The following UGT1A9 variants were observed in gnomAD, a reference collection of about 807,000 sequenced individuals.
UGT1A9 encodes UDP glucuronosyltransferase family 1 member A9.
UGT1A9 carries 35 observed loss-of-function variants against 45.0 expected under a neutral mutation model. The ratio of observed to expected loss-of-function variants is 0.78; its 90% CI spans 0.59 to 1.03. The LOEUF is 1.03. Among genes scored for constraint, UGT1A9 ranks in the 50% least tolerant of loss-of-function variants. UGT1A9 has a pLI of 0.00. For missense variants in UGT1A9, 687 were observed against 666.6 expected (o/e 1.03, Z -0.34); for synonymous variants, 278 against 250.6 (o/e 1.11, Z -1.03).
Position 233,671,967 on chromosome 2 carries a change from T to A in UGT1A9, c.33T>A (p.Pro11=), listed in dbSNP as rs779535598. The change falls in exon 1 of 5, where the codon CCT becomes CCA. Residue 11 remains proline, a synonymous_variant. Coordinates refer to ENST00000354728, the MANE Select transcript of UGT1A9 (RefSeq NM_021027.3). MACTGWTSPL[P]LCVCLLLTCG... Reference sequence around the variant, plus strand: ...GCACAGGGTGGACCAGCCCCCTTCCTCTATGTGTGTGTCTGCTGCTGACCT... The same window carrying A: ...GCACAGGGTGGACCAGCCCCCTTCCACTATGTGTGTGTCTGCTGCTGACCT... 6.2e-7 allele frequency: 1 copy of A among 1,613,876 alleles called. No individual in the cohort carries two copies. Among genetic ancestry groups the A allele is most frequent in the Non-Finnish European group, 8.5e-7 (1 of 1,179,852 alleles).
At chr2:233,690,635 G>A in intron 1 of UGT1A9, 1 of 1,288,442 alleles carries the variant, frequency 7.8e-7, no homozygotes, top group Non-Finnish European at 1.0e-6. Context: ...TGATACCTGA[G>A]GACACCTTGA....
At chr2:233,746,981 C>T (rs1456419119) in intron 1 of UGT1A9, among the ~76,000 whole-genome samples, 1 of 151,772 alleles carries the variant, frequency 6.6e-6, no homozygotes, top group Non-Finnish European at 1.5e-5. Flanking sequence ...AGAGCGAGCG[C>T]AGGGTCAGAT....
chr2:233,760,197 G>A (rs2125980210), intron 1 of UGT1A9: 1 of 1,578,860 alleles, frequency 6.3e-7, no homozygotes, highest in Admixed American at 1.7e-5. Context: ...ACGTGACACA[G>A]TCAAACATTA....
chr2:233,683,888 A>C (rs1489216794), intron 1 of UGT1A9, among the ~76,000 whole-genome samples: 1 of 152,158 alleles, frequency 6.6e-6, no homozygotes, highest in African/African-American at 2.4e-5. Context: ...CCTGGTATTT[A>C]TACCTCTTAT....
intron 1 of UGT1A9, among the ~76,000 whole-genome samples, chr2:233,766,353 G>A (rs939799287): frequency 1.3e-5 from 2 of 152,092 alleles, no homozygotes; most frequent in Non-Finnish European, 2.9e-5. Context: ...GTGGCCTGCC[G>A]GTGCCTGTTG....
chr2:233,721,923 T>C (rs1336715590), intron 1 of UGT1A9: 2 of 399,724 alleles, frequency 5.0e-6, no homozygotes, highest in Non-Finnish European at 5.0e-6. Flanking sequence ...TTCCATAAAG[T>C]GACATCCTTC....
intron 1 of UGT1A9, among the ~76,000 whole-genome samples, chr2:233,703,143 G>A (rs151103120): frequency 1.9e-3 from 287 of 152,194 alleles, no homozygotes; most frequent in Non-Finnish European, 3.1e-3. Context: ...GCTTTATTTA[G>A]ATTTTGTATT....
intron 1 of UGT1A9, among the ~76,000 whole-genome samples, chr2:233,758,486 A>G (rs1279862194): frequency 6.6e-6 from 1 of 152,222 alleles, no homozygotes; most frequent in East Asian, 1.9e-4. Flanking sequence ...TAAACTGTGA[A>G]TTTCAGAATT....
intron 1 of UGT1A9, among the ~76,000 whole-genome samples, chr2:233,726,748 C>G (rs1270676383): frequency 6.6e-6 from 1 of 152,206 alleles, no homozygotes; most frequent in Non-Finnish European, 1.5e-5. Context: ...GGCTGTGATT[C>G]TGCCTACCAC....
Position 233,672,265 on chromosome 2 carries a change from G to T in UGT1A9, c.331G>T (p.Gly111Cys), listed in dbSNP as rs377398548. 1 of 1,613,982 alleles carries T rather than the reference G, an allele frequency of 6.2e-7. No individual in the cohort carries two copies. The highest frequency in any genetic ancestry group is 2.2e-5 in the East Asian group (1 of 44,892). The stretch of plus-strand genomic sequence containing the variant: ...ACGAAGTATATATTCTCTATTAATG[G>T]GTTCATACAATGACATTTTTGACTT... ...QVRSIYSLLM[G>C]SYNDIFDLFF... Residue 111 changes from glycine to cysteine, a missense_variant, in exon 1 of 5, where the codon GGT (glycine) becomes TGT (cysteine). By Grantham distance (159) the Gly-to-Cys change is radical (BLOSUM62 -3). Transcript: ENST00000354728.
intron 1 of UGT1A9, among the ~76,000 whole-genome samples, chr2:233,699,970 C>T (rs1456115937): frequency 6.6e-6 from 1 of 152,176 alleles, no homozygotes; most frequent in African/African-American, 2.4e-5. Flanking sequence ...ACCCGTCCCC[C>T]AACTCCCAAC....
intron 1 of UGT1A9, chr2:233,743,960 G>A (rs745723342): frequency 3.1e-5 from 42 of 1,334,096 alleles, no homozygotes; most frequent in South Asian, 3.6e-5. Flanking sequence ...CACAGCGAGC[G>A]GCAAGGCTGC....
intron 1 of UGT1A9, among the ~76,000 whole-genome samples, chr2:233,702,160 A>T (rs577111484): frequency 1.3e-5 from 2 of 152,316 alleles, no homozygotes; most frequent in African/African-American, 2.4e-5. Flanking sequence ...ATCTATTATC[A>T]GTCACTCTTC....
At chr2:233,729,570 G>T (rs1300116271) in intron 1 of UGT1A9, 1 of 1,613,988 alleles carries the variant, frequency 6.2e-7, no homozygotes, top group Non-Finnish European at 8.5e-7. Flanking sequence ...CCTTTGATGT[G>T]GTTTTAACAG....
chr2:233,688,665 G>C (rs1236438770), intron 1 of UGT1A9, among the ~76,000 whole-genome samples: 1 of 152,120 alleles, frequency 6.6e-6, no homozygotes, highest in Non-Finnish European at 1.5e-5. Flanking sequence ...CATGCAGCTG[G>C]CTCTTTTTTA....
chr2:233,717,883 G>A lies in UGT1A9; in HGVS notation c.855+45094G>A, dbSNP rs778761780. On this transcript the variant is annotated intron_variant, in intron 1 of 4. Transcript: ENST00000354728. ...CTGGATTGACTTGGAGAAAAGCCTG[G>A]CCATAATCTTCAGGATGAAATAAAG... 1.6e-4 allele frequency: 73 copies of A among 454,720 alleles called. 1 individual carries two copies. The highest frequency in any genetic ancestry group is 9.9e-4 in the South Asian group (64 of 64,482). 28.2% of individuals were successfully genotyped at this position (454,720 alleles called of 1,614,324 possible).
chr2:233,754,382 C>A, intron 1 of UGT1A9: 2 of 288,814 alleles, frequency 6.9e-6, no homozygotes, highest in Non-Finnish European at 1.4e-5. Flanking sequence ...GAAAGACAAA[C>A]AGAGGTCCTA....
At chr2:233,760,521 G>C (rs2125985351) in intron 1 of UGT1A9, 1 of 1,614,238 alleles carries the variant, frequency 6.2e-7, no homozygotes, top group East Asian at 2.2e-5. Flanking sequence ...CCTTGAAGAC[G>C]TACCCTGTGC....
Position 233,772,402 on chromosome 2 carries a change from C to T in UGT1A9, c.1436C>T (p.Thr479Ile), listed in dbSNP as rs1279219087. The T allele has an allele frequency of 6.2e-7, 1 of 1,614,144 alleles. No individual in the cohort carries two copies. The highest frequency in any genetic ancestry group is 1.3e-5 in the African/African-American group (1 of 74,938). ...CTGCGCCCCGCAGCCCACGACCTCA[C>T]CTGGTACCAGTACCATTCCTTGGAC... ...PHLRPAAHDLTWYQYHSLDVI... is the reference protein window; with the variant it reads ...PHLRPAAHDLIWYQYHSLDVI... The change falls in exon 5 of 5, where the codon ACC (threonine) becomes ATC (isoleucine). Residue 479 changes from threonine to isoleucine, a missense_variant. By Grantham distance (89) the Thr-to-Ile change is moderately conservative. Coordinates refer to ENST00000354728, the MANE Select transcript of UGT1A9 (RefSeq NM_021027.3).
Sources: gnomAD v4.1 joint callset for allele counts (sites outside exome capture counted in the v4.1 genomes callset) on GRCh38, gnomAD v4.1.1 for gene constraint, MANE v1.5 for transcripts, NCBI Gene and HGNC (gene_info 2026-07-23, HGNC 2026-07-21) for gene names.